The following AKAP19 variants were observed in gnomAD, a reference collection of about 807,000 sequenced individuals.
The protein encoded by AKAP19 is A-kinase anchoring protein 19, also known as small A-kinase anchoring protein.
At chr2:190,069,778 T>C in the AKAP19 span, among the ~76,000 whole-genome samples, 12 of 152,340 alleles carry the variant, frequency 7.9e-5, no homozygotes, top group South Asian at 2.5e-3. Context: ...GCACCTGGTT[T>C]ATGATAGGTA....
chr2:190,060,423 A>G, the AKAP19 span: 1 of 1,609,858 alleles, frequency 6.2e-7, no homozygotes, highest in Admixed American at 1.7e-5. Flanking sequence ...ATCCACTTGC[A>G]TTAGAAAATC....
At chr2:189,953,726 C>CA in the AKAP19 span, among the ~76,000 whole-genome samples, 1 of 150,408 alleles carries the variant, frequency 6.6e-6, no homozygotes, top group African/African-American at 2.5e-5. Context: ...ATTGTTAGTA[C>CA]AGTATCAATA....
chr2:189,929,298 G>A, the AKAP19 span, among the ~76,000 whole-genome samples: 3 of 152,094 alleles, frequency 2.0e-5, no homozygotes, highest in African/African-American at 7.2e-5. Flanking sequence ...CAAGACAAGA[G>A]GGAAGGAGGT....
chr2:189,978,875 GTTACCTGGTAAT>G, the AKAP19 span, among the ~76,000 whole-genome samples: 1 of 151,880 alleles, frequency 6.6e-6, no homozygotes, highest in Non-Finnish European at 1.5e-5. Context: ...CTGGTAAAAA[GTTACCTGGTAAT>G]TACCAGGTAA....
chr2:189,922,703 ATTAC>A, the AKAP19 span, among the ~76,000 whole-genome samples: 2 of 152,136 alleles, frequency 1.3e-5, no homozygotes. Flanking sequence ...TTTTTTACCT[ATTAC>A]TTATTGCTAT....
chr2:190,172,227 C>T, the AKAP19 span, among the ~76,000 whole-genome samples: 3 of 152,100 alleles, frequency 2.0e-5, no homozygotes, highest in Non-Finnish European at 4.4e-5. Context: ...CCAAACTTAC[C>T]CACTTTTCAT....
the AKAP19 span, among the ~76,000 whole-genome samples, chr2:190,080,214 CAGTT>C: frequency 3.0e-4 from 45 of 152,264 alleles, no homozygotes; most frequent in South Asian, 2.3e-3. Context: ...TTCAGTGTGA[CAGTT>C]AGCAAAATCG....
the AKAP19 span, among the ~76,000 whole-genome samples, chr2:189,990,010 T>C: frequency 6.6e-6 from 1 of 152,172 alleles, no homozygotes; most frequent in South Asian, 2.1e-4. Flanking sequence ...AGAAATCGAC[T>C]GACTGATCCT....
the AKAP19 span, among the ~76,000 whole-genome samples, chr2:189,933,672 T>C: frequency 6.6e-6 from 1 of 152,188 alleles, no homozygotes; most frequent in South Asian, 2.1e-4. Context: ...CATGAATCTC[T>C]TAGAGATGGG....
chr2:189,930,939 A>C, the AKAP19 span: 9 of 729,918 alleles, frequency 1.2e-5, no homozygotes, highest in Non-Finnish European at 2.0e-5. Flanking sequence ...CGCTAAAGCT[A>C]GCCCAGTCGG....
At chr2:189,882,257 C>T in the AKAP19 span, among the ~76,000 whole-genome samples, 1 of 152,186 alleles carries the variant, frequency 6.6e-6, no homozygotes, top group South Asian at 2.1e-4. Flanking sequence ...TTAAACCCTT[C>T]TTCACTGTTT....
chr2:189,983,263 C>T, the AKAP19 span, among the ~76,000 whole-genome samples: 5 of 152,188 alleles, frequency 3.3e-5, no homozygotes, highest in Non-Finnish European at 7.4e-5. Context: ...ACAGATGCAC[C>T]CTCTGAGGGC....
the AKAP19 span, among the ~76,000 whole-genome samples, chr2:190,002,746 AT>A: frequency 1.3e-5 from 2 of 151,842 alleles, no homozygotes; most frequent in African/African-American, 2.4e-5. Context: ...CAGTTGGTCT[AT>A]TTTTTCCTTC....
chr2:189,946,118 T>C, the AKAP19 span, among the ~76,000 whole-genome samples: 1 of 152,238 alleles, frequency 6.6e-6, no homozygotes, highest in African/African-American at 2.4e-5. Context: ...CAGGATACTT[T>C]ATAAATTTCT....
chr2:189,950,706 C>A, the AKAP19 span, among the ~76,000 whole-genome samples: 1 of 152,050 alleles, frequency 6.6e-6, no homozygotes, highest in East Asian at 1.9e-4. Context: ...AAGTATATTG[C>A]CTATGTATAT....
At chr2:190,193,672 A>G in the AKAP19 span, among the ~76,000 whole-genome samples, 1 of 152,166 alleles carries the variant, frequency 6.6e-6, no homozygotes, top group Non-Finnish European at 1.5e-5. Context: ...AAACGTATAT[A>G]GATGTCATAA....
At chr2:189,944,861 C>T in the AKAP19 span, among the ~76,000 whole-genome samples, 1 of 152,122 alleles carries the variant, frequency 6.6e-6, no homozygotes, top group Non-Finnish European at 1.5e-5. Context: ...ACAATCTCAA[C>T]AAATTCAAAA....
the AKAP19 span, among the ~76,000 whole-genome samples, chr2:189,935,538 G>A: frequency 6.6e-6 from 1 of 151,982 alleles, no homozygotes; most frequent in Admixed American, 6.5e-5. Context: ...ATTTTCAAAT[G>A]GAGTCTAGGA....
At chr2:189,916,619 G>A in the AKAP19 span, among the ~76,000 whole-genome samples, 14 of 152,156 alleles carry the variant, frequency 9.2e-5, no homozygotes, top group East Asian at 2.7e-3. Context: ...ACTGCGCCCA[G>A]CCTATACTTA....
Sources: gnomAD v4.1 joint callset for allele counts (sites outside exome capture counted in the v4.1 genomes callset) on GRCh38, gnomAD v4.1.1 for gene constraint, MANE v1.5 for transcripts, NCBI Gene and HGNC (gene_info 2026-07-23, HGNC 2026-07-21) for gene names.